Variants in DCAF13 observed in about 807,000 individuals in gnomAD.
DCAF13 encodes the protein DDB1 and CUL4 associated factor 13.
DCAF13 carries 38 observed loss-of-function variants against 59.0 expected under a neutral mutation model. The ratio of observed to expected loss-of-function variants is 0.64; its 90% CI spans 0.50 to 0.84. DCAF13 has a LOEUF of 0.84. Ranked by LOEUF, DCAF13 falls within the 40% of genes least tolerant of loss-of-function variation. DCAF13 has a pLI of 0.00. For missense variants in DCAF13, 469 were observed against 558.4 expected, an observed-to-expected ratio of 0.84 and a Z score of 1.61; for synonymous variants, 173 against 175.0, an observed-to-expected ratio of 0.99 and a Z score of 0.09.
chr8:103,424,596 C>T (rs1253064619), intron 3 of DCAF13, among the ~76,000 whole-genome samples: 1 of 152,184 alleles, frequency 6.6e-6, no homozygotes, highest in Non-Finnish European at 1.5e-5. Flanking sequence ...AAACCCTTCC[C>T]AGAATTGGTG....
At position 103,443,178 on chromosome 8, in the gene DCAF13, A is replaced by T. The variant is rs1433859742; in HGVS notation, c.*296A>T. ...TTCTCTTTGATCTATTATTGTAGACACTATACATTCAAATTGACATTTAAG... is the reference window on the plus strand; with the variant it reads ...TTCTCTTTGATCTATTATTGTAGACTCTATACATTCAAATTGACATTTAAG... On this transcript the variant is annotated 3_prime_UTR_variant, in exon 11 of 11. Coordinates refer to ENST00000612750, the MANE Select transcript of DCAF13 (RefSeq NM_015420.7). 1 of 199,532 alleles carries T rather than the reference A, an allele frequency of 5.0e-6. No individual in the cohort carries two copies. Among genetic ancestry groups the T allele is most frequent in the Non-Finnish European group, 1.0e-5 (1 of 99,630 alleles). The allele number at this position is 199,532 out of a possible 1,614,324, so 12.4% of individuals were successfully genotyped here.
rs560080523 is a variant in DCAF13 at position 103,420,779 on chromosome 8, A to G, written c.271-196A>G. ...AAGTGAAAAAGTTTTGTAACACTTT[A>G]GAATCAACAGAGTATTTGTCAGGTT... On this transcript the variant is annotated intron_variant, in intron 2 of 10. Transcript: ENST00000612750. 7.8e-4 allele frequency: 458 copies of G among 589,484 alleles called. 1 individual carries two copies. The highest frequency in any genetic ancestry group is 1.2e-3 in the Non-Finnish European group (392 of 337,822). 36.5% of individuals were successfully genotyped at this position (589,484 alleles called of 1,614,324 possible). A position where few individuals can be genotyped will look rare whatever the true frequency, so the allele number is the denominator to read the frequency against.
intron 7 of DCAF13, among the ~76,000 whole-genome samples, chr8:103,435,250 A>G (rs968465750): frequency 6.6e-6 from 1 of 152,170 alleles, no homozygotes; most frequent in Admixed American, 6.5e-5. Flanking sequence ...TAACATTTCA[A>G]TTTTATTAAA....
At chr8:103,429,859 ATAAT>A (rs1316086070) in intron 5 of DCAF13, 1 of 152,190 alleles carries the variant, frequency 6.6e-6, no homozygotes, top group Non-Finnish European at 1.5e-5. Context: ...CTTTGGAAAA[ATAAT>A]TAGCCCTAAA....
rs1364647691 is a variant in DCAF13 at position 103,435,642 on chromosome 8, A to G, written c.802A>G (p.Met268Val). ...CTTTTACAGCTTATATACTTTTGAT[A>G]TGCGTGCACTGGACACTCCTGTAAT... ...NEDYNLYTFD[M>V]RALDTPVMVH... The change falls in exon 8 of 11, where the codon ATG (methionine) becomes GTG (valine). Residue 268 changes from methionine to valine, a missense_variant. Coordinates refer to ENST00000612750, the MANE Select transcript of DCAF13 (RefSeq NM_015420.7). The G allele has an allele frequency of 2.6e-6, 4 of 1,559,860 alleles. No homozygotes were observed. The highest frequency in any genetic ancestry group is 2.6e-6 in the Non-Finnish European group (3 of 1,153,054).
chr8:103,440,441 A>T, intron 9 of DCAF13, 170 bp downstream of exon 9: 1 of 526,128 alleles, frequency 1.9e-6, no homozygotes. Flanking sequence ...TATTTGCTTC[A>T]TTCTGATCTA....
intron 5 of DCAF13, chr8:103,427,739 T>C (rs2130484924): frequency 6.5e-6 from 1 of 154,166 alleles, no homozygotes; most frequent in Admixed American, 6.5e-5. Flanking sequence ...ATAGTTATAT[T>C]TTTCTTTGCT....
intron 5 of DCAF13, chr8:103,428,703 C>T (rs927094199): frequency 2.7e-5 from 4 of 150,782 alleles, no homozygotes; most frequent in South Asian, 2.1e-4. Context: ...GACGGTATTA[C>T]GTACTAAAAA....
intron 8 of DCAF13, 88 bp from the exon 9 acceptor site, chr8:103,440,048 G>A (rs1319010092): frequency 1.8e-6 from 2 of 1,118,858 alleles, no homozygotes; most frequent in Non-Finnish European, 2.5e-6. Context: ...ATAGGACTCA[G>A]AAATAGTATC....
At chr8:103,420,181 T>G in intron 1 of DCAF13, 83 bp from the exon 2 acceptor site, 1 of 1,233,172 alleles carries the variant, frequency 8.1e-7, no homozygotes, top group Non-Finnish European at 1.2e-6. Flanking sequence ...ACTAAATGCT[T>G]ATTGAATAAC....
At chr8:103,441,168 G>A (rs1011851489) in intron 9 of DCAF13, 11 of 255,904 alleles carry the variant, frequency 4.3e-5, no homozygotes, top group Non-Finnish European at 6.6e-5. Context: ...TGTTATTGAT[G>A]CCTAGGGAAG....
chr8:103,418,837 T>TAC (rs1816665843), intron 1 of DCAF13, among the ~76,000 whole-genome samples: 3 of 12,996 alleles, frequency 2.3e-4, no homozygotes, highest in African/African-American at 1.3e-3. Context: ...TATATATATA[T>TAC]ATATATATAT....
intron 1 of DCAF13, among the ~76,000 whole-genome samples, chr8:103,415,902 C>T (rs1816604386): frequency 6.6e-6 from 1 of 152,182 alleles, no homozygotes; most frequent in Admixed American, 6.5e-5. Flanking sequence ...CTTCTTGCCG[C>T]TTTACTACTT....
At chr8:103,419,501 T>C (rs1816692932) in intron 1 of DCAF13, among the ~76,000 whole-genome samples, 2 of 152,204 alleles carry the variant, frequency 1.3e-5, no homozygotes, top group African/African-American at 4.8e-5. Flanking sequence ...TATAATATCA[T>C]CATAATCACA....
intron 3 of DCAF13, 43 bp downstream of exon 3, chr8:103,421,125 G>A: frequency 1.6e-6 from 2 of 1,264,642 alleles, no homozygotes; most frequent in Non-Finnish European, 2.3e-6. Flanking sequence ...ATCAACATAG[G>A]TAAGAATAAT....
rs749736452 is a variant in DCAF13, at chr8:103,430,638, T to C, written c.651T>C (p.Ser217=). ...CATTTCTCTTGGGAAGTTGTGCATC[T>C]GACAGGAATATAGTACTGTACGATA... is the stretch of plus-strand genomic sequence containing the variant. ...IETFLLGSCA[S]DRNIVLYDMR... is the part of the protein sequence containing the mutation. Residue 217 remains serine (S), a synonymous_variant, in exon 6 of 11, where the codon TCT becomes TCC. Transcript: ENST00000612750. 1 of 1,611,278 alleles carries C rather than the reference T, an allele frequency of 6.2e-7. No homozygotes were observed. The highest frequency in any genetic ancestry group is 8.5e-7 in the Non-Finnish European group (1 of 1,178,728).
In DCAF13 at chr8:103,427,217, G is replaced by A. The variant is rs1391763127; in HGVS notation, c.589G>A (p.Asp197Asn). The A allele has an allele frequency of 1.2e-6, 2 of 1,613,432 alleles. No homozygotes were observed. Among genetic ancestry groups the A allele is most frequent in the Non-Finnish European group, 1.7e-6 (2 of 1,179,524 alleles). Residue 197 changes from aspartate to asparagine, a missense_variant, in exon 5 of 11, where the codon GAC becomes AAC. Asp to Asn is a conservative substitution (Grantham distance 23). Transcript: ENST00000612750. ...TATATGTTCAATGACCTGGGGATTTGACAGTATAAGTAGTGTTAAATTTAA... is the reference window on the plus strand; with the variant it reads ...TATATGTTCAATGACCTGGGGATTTAACAGTATAAGTAGTGTTAAATTTAA... ...NPICSMTWGF[D>N]SISSVKFNPI...
At chr8:103,418,395 C>T (rs1369222058) in intron 1 of DCAF13, among the ~76,000 whole-genome samples, 1 of 151,996 alleles carries the variant, frequency 6.6e-6, no homozygotes, top group Admixed American at 6.6e-5. Flanking sequence ...TGGTGCATGC[C>T]TCAGGTCCAA....
At chr8:103,423,887 G>A (rs1816754887) in intron 3 of DCAF13, among the ~76,000 whole-genome samples, 1 of 151,932 alleles carries the variant, frequency 6.6e-6, no homozygotes, top group Admixed American at 6.6e-5. Context: ...TTTTTTTAAA[G>A]AGACAGAGTC....
Sources: gnomAD v4.1 joint callset for allele counts (sites outside exome capture counted in the v4.1 genomes callset) on GRCh38, gnomAD v4.1.1 for gene constraint, MANE v1.5 for transcripts, NCBI Gene and HGNC (gene_info 2026-07-23, HGNC 2026-07-21) for gene names.